RLN2: variants seen among roughly 807,000 people sequenced by gnomAD.
The protein encoded by RLN2 is relaxin 2.
Under a neutral mutation model 7.3 loss-of-function variants are expected in RLN2, and 10 were observed. The ratio of observed to expected loss-of-function variants is 1.36; its 90% CI spans 0.84 to 2.31. The LOEUF (loss-of-function observed/expected upper bound fraction) is 2.31. Ranked by LOEUF, RLN2 falls within the 30% of genes most tolerant of loss-of-function variation. RLN2 has a pLI of 0.00. For missense variants in RLN2, 298 were observed against 217.6 expected, an observed-to-expected ratio of 1.37 and a Z score of -2.32; for synonymous variants, 103 against 82.3, an observed-to-expected ratio of 1.25 and a Z score of -1.36.
In RLN2 at chr9:5,300,210, T is replaced by C. The variant is rs754253517; in HGVS notation, c.446A>G (p.Lys149Arg). Residue 149 changes from lysine (K) to arginine (R), a missense_variant, in exon 2 of 2, where the codon AAA (lysine) becomes AGA (arginine). Transcript: ENST00000381627. ...AGAATGAGTATCCAAGCCTAAGTAT[T>C]TTAATTCTGAAGGACTGCTGTCTGC... ...EAADSSPSEL[K>R]YLGLDTHSRK... is the part of the protein sequence containing the mutation. 1 of 1,614,042 alleles carries C rather than the reference T, an allele frequency of 6.2e-7. No individual in the cohort carries two copies. The highest frequency in any genetic ancestry group is 8.5e-7 in the Non-Finnish European group (1 of 1,179,912).
At chr9:5,329,806 T>A in the RLN2 span, among the ~76,000 whole-genome samples, 1 of 151,834 alleles carries the variant, frequency 6.6e-6, no homozygotes, top group Non-Finnish European at 1.5e-5. Context: ...CACACAATAA[T>A]AATGGGAGAC....
the RLN2 span, among the ~76,000 whole-genome samples, chr9:5,321,405 C>G: frequency 2.6e-5 from 4 of 151,828 alleles, no homozygotes; most frequent in Admixed American, 6.5e-5. Flanking sequence ...TTCCCTGACT[C>G]TCCATCCAGC....
the RLN2 span, among the ~76,000 whole-genome samples, chr9:5,312,661 C>A: frequency 4.6e-5 from 7 of 151,630 alleles, no homozygotes; most frequent in Non-Finnish European, 1.0e-4. Flanking sequence ...CATGTCCTGC[C>A]TGAAATACCA....
chr9:5,312,386 CAA>C, the RLN2 span, among the ~76,000 whole-genome samples: 3 of 152,032 alleles, frequency 2.0e-5, no homozygotes, highest in Admixed American at 6.5e-5. Context: ...TGGCAGCTGT[CAA>C]AAGAGAAGTG....
At chr9:5,331,650 C>T in the RLN2 span, among the ~76,000 whole-genome samples, 1 of 140,822 alleles carries the variant, frequency 7.1e-6, no homozygotes, top group Non-Finnish European at 1.5e-5. Flanking sequence ...GGGAACATCA[C>T]ACACAGGGGC....
At position 5,304,588 on chromosome 9, in the gene RLN2, C is replaced by T. The variant is rs564501843; in HGVS notation, c.-8G>A. The T allele has an allele frequency of 2.0e-5, 32 of 1,613,198 alleles. No homozygotes were observed. In the African/African-American group the frequency reaches 3.9e-4, roughly 20 times the overall value. ...AAAAAACAGGCGAGGCATCCTGGGC[C>T]TGGTCTCTCCTGGAGGTCGGGACGT... On this transcript the variant is annotated 5_prime_UTR_variant, in exon 1 of 2. Coordinates refer to ENST00000381627, the MANE Select transcript of RLN2 (RefSeq NM_134441.3).
chr9:5,315,543 G>T, the RLN2 span, among the ~76,000 whole-genome samples: 1 of 151,946 alleles, frequency 6.6e-6, no homozygotes, highest in Admixed American at 6.6e-5. Context: ...TGAAATAATT[G>T]CTGAAAACTT....
intron 1 of RLN2, among the ~76,000 whole-genome samples, chr9:5,301,963 C>A (rs1178854261): frequency 2.6e-5 from 4 of 152,200 alleles, no homozygotes; most frequent in Non-Finnish European, 5.9e-5. Context: ...CATTTCCCCT[C>A]AGTAAGACAT....
the RLN2 span, among the ~76,000 whole-genome samples, chr9:5,331,379 G>A: frequency 6.6e-6 from 1 of 151,936 alleles, no homozygotes; most frequent in Non-Finnish European, 1.5e-5. Context: ...GCACACATAT[G>A]TTTATTGTGG....
chr9:5,332,784 T>C, the RLN2 span, among the ~76,000 whole-genome samples: 13 of 151,788 alleles, frequency 8.6e-5, no homozygotes, highest in African/African-American at 2.9e-4. Flanking sequence ...CCTGGCTAAT[T>C]TTCTGTATTT....
At chr9:5,321,511 T>C in the RLN2 span, among the ~76,000 whole-genome samples, 4 of 152,034 alleles carry the variant, frequency 2.6e-5, no homozygotes, top group Admixed American at 6.6e-5. Context: ...ATATGAGCAG[T>C]GACTGAGCAC....
the RLN2 span, among the ~76,000 whole-genome samples, chr9:5,337,725 T>G: frequency 2.0e-5 from 3 of 152,034 alleles, no homozygotes; most frequent in Non-Finnish European, 2.9e-5. Context: ...GCAGGCAATA[T>G]TTTCTGAGGT....
the RLN2 span, among the ~76,000 whole-genome samples, chr9:5,310,095 G>C: frequency 6.6e-6 from 1 of 151,982 alleles, no homozygotes; most frequent in African/African-American, 2.4e-5. Context: ...TGGGAGAGCA[G>C]GGTGCAGGAA....
the RLN2 span, among the ~76,000 whole-genome samples, chr9:5,328,334 A>C: frequency 6.6e-6 from 1 of 152,068 alleles, no homozygotes. Context: ...CAAATTAATG[A>C]AATAAAGTGA....
chr9:5,320,262 A>C, the RLN2 span, among the ~76,000 whole-genome samples: 1 of 151,752 alleles, frequency 6.6e-6, no homozygotes, highest in Admixed American at 6.6e-5. Context: ...CTGGGATTAC[A>C]GGTGTGAGCC....
At chr9:5,310,539 C>T in the RLN2 span, among the ~76,000 whole-genome samples, 100 of 152,152 alleles carry the variant, frequency 6.6e-4, no homozygotes, top group African/African-American at 2.2e-3. Context: ...CCCAATCGTG[C>T]ATGGCTCCCA....
the RLN2 span, among the ~76,000 whole-genome samples, chr9:5,313,323 G>A: frequency 4.0e-5 from 6 of 151,736 alleles, no homozygotes; most frequent in African/African-American, 1.5e-4. Flanking sequence ...ATTATATAAT[G>A]ACCTTCTTTA....
At chr9:5,335,449 C>T in the RLN2 span, 1 of 1,613,706 alleles carries the variant, frequency 6.2e-7, no homozygotes. Flanking sequence ...GATTGGAATC[C>T]TTTAATGCAG....
At chr9:5,311,998 G>T in the RLN2 span, among the ~76,000 whole-genome samples, 1 of 151,882 alleles carries the variant, frequency 6.6e-6, no homozygotes. Flanking sequence ...GACATGAACA[G>T]AATTTTATTT....
Sources: gnomAD v4.1 joint callset for allele counts (sites outside exome capture counted in the v4.1 genomes callset) on GRCh38, gnomAD v4.1.1 for gene constraint, MANE v1.5 for transcripts, NCBI Gene and HGNC (gene_info 2026-07-23, HGNC 2026-07-21) for gene names.